The following TMC1 variants were observed in gnomAD, a reference collection of about 807,000 sequenced individuals.
The protein encoded by TMC1 is transmembrane channel-like protein 1.
TMC1 carries 84 observed loss-of-function variants against 105.8 expected under a neutral mutation model. The ratio of observed to expected loss-of-function variants is 0.79; its 90% confidence interval spans 0.67 to 0.95. The LOEUF (loss-of-function observed/expected upper bound fraction) is 0.95, where lower values mean the gene tolerates loss of function less well. TMC1 is among the 40% of genes least tolerant of loss of function. The pLI, the probability that TMC1 is intolerant of heterozygous loss-of-function variation, is 0.00. For missense variants in TMC1, 817 were observed against 914.1 expected, an observed-to-expected ratio of 0.89 and a Z score of 1.37; for synonymous variants, 315 against 311.5, an observed-to-expected ratio of 1.01 and a Z score of -0.12.
At chr9:72,550,823 C>T (rs1036011807) in intron 1 of TMC1, among the ~76,000 whole-genome samples, 13 of 152,132 alleles carry the variant, frequency 8.5e-5, no homozygotes, top group Admixed American at 8.5e-4. Context: ...AGCTAGATTG[C>T]CTTATGGGGC....
At chr9:72,631,612 C>T (rs973724763) in intron 4 of TMC1, among the ~76,000 whole-genome samples, 5 of 152,192 alleles carry the variant, frequency 3.3e-5, no homozygotes, top group African/African-American at 1.2e-4. Flanking sequence ...AGTCTTGCAC[C>T]AAATATATGA....
intron 5 of TMC1, among the ~76,000 whole-genome samples, chr9:72,684,067 G>T (rs1442392295): frequency 6.6e-6 from 1 of 151,788 alleles, no homozygotes; most frequent in Admixed American, 6.6e-5. Flanking sequence ...ACAGCCCAGG[G>T]ATAAACCAAA....
chr9:72,659,763 G>C (rs1825946394), intron 5 of TMC1, among the ~76,000 whole-genome samples: 1 of 152,208 alleles, frequency 6.6e-6, no homozygotes, highest in Admixed American at 6.5e-5. Flanking sequence ...GTTTTAATAA[G>C]ATATCTAGTT....
At chr9:72,688,154 T>C (rs2132183390) in intron 5 of TMC1, among the ~76,000 whole-genome samples, 1 of 152,214 alleles carries the variant, frequency 6.6e-6, no homozygotes, top group East Asian at 1.9e-4. Context: ...GAATCACATA[T>C]TGGGAAATTT....
At chr9:72,546,469 C>T (rs879307025) in intron 1 of TMC1, among the ~76,000 whole-genome samples, 10 of 152,134 alleles carry the variant, frequency 6.6e-5, no homozygotes, top group Non-Finnish European at 1.3e-4. Context: ...AAACATTGTC[C>T]TTTTGTTTTC....
At chr9:72,826,847 T>TC (rs2118318341) in intron 20 of TMC1, 22 bp from the exon 21 acceptor site, 1 of 1,613,278 alleles carries the variant, frequency 6.2e-7, no homozygotes, top group East Asian at 2.2e-5. Context: ...TAAACTTATC[T>TC]CCCCCTTTTT....
chr9:72,647,162 G>T (rs7022617), intron 4 of TMC1, among the ~76,000 whole-genome samples: 34,304 of 148,632 alleles, frequency 0.23, 4,283 homozygotes, highest in East Asian at 0.38. Flanking sequence ...AAAAAAAAGA[G>T]AGAGAAAAGA....
chr9:72,820,178 C>T (rs1393426701), intron 19 of TMC1, among the ~76,000 whole-genome samples: 1 of 152,138 alleles, frequency 6.6e-6, no homozygotes, highest in Non-Finnish European at 1.5e-5. Flanking sequence ...CAATAAAACC[C>T]TATTTTAGGA....
chr9:72,744,227 C>T lies in TMC1; in HGVS notation c.535+1702C>T, dbSNP rs538243141. ...CTTTAATTTCCTCCTTAACACTTACCGCTATCTAAAATGCTATATCTTTAA... is the reference window on the plus strand; with the variant it reads ...CTTTAATTTCCTCCTTAACACTTACTGCTATCTAAAATGCTATATCTTTAA... On this transcript the variant is annotated intron_variant, in intron 10 of 23. Transcript: ENST00000297784. 1.5e-3 allele frequency among the ~76,000 whole-genome samples: 230 copies of T among 152,292 alleles called. 1 individual carries two copies. Among genetic ancestry groups the T allele is most frequent in the African/African-American group, 5.3e-3 (219 of 41,566 alleles).
intron 8 of TMC1, among the ~76,000 whole-genome samples, chr9:72,704,062 G>A (rs1826689641): frequency 6.6e-6 from 1 of 152,148 alleles, no homozygotes; most frequent in Non-Finnish European, 1.5e-5. Flanking sequence ...GCAGGTAAAT[G>A]TTTCTCTACC....
At chr9:72,773,769 C>A (rs1827967519) in intron 13 of TMC1, among the ~76,000 whole-genome samples, 1 of 152,136 alleles carries the variant, frequency 6.6e-6, no homozygotes, top group Admixed American at 6.5e-5. Flanking sequence ...AGAATAGTTT[C>A]TCATGTCTGA....
chr9:72,832,148 T>G (rs1033174271), intron 23 of TMC1, among the ~76,000 whole-genome samples: 4 of 152,012 alleles, frequency 2.6e-5, no homozygotes, highest in Non-Finnish European at 5.9e-5. Flanking sequence ...AGTGAGGTCT[T>G]GCTAAGTTGC....
intron 12 of TMC1, among the ~76,000 whole-genome samples, chr9:72,758,531 G>A (rs1022306500): frequency 3.9e-5 from 6 of 152,276 alleles, no homozygotes; most frequent in South Asian, 2.1e-4. Flanking sequence ...TGTCCTCCAC[G>A]GCAGAAGGGA....
At chr9:72,579,419 A>G (rs1824439366) in intron 2 of TMC1, among the ~76,000 whole-genome samples, 1 of 152,130 alleles carries the variant, frequency 6.6e-6, no homozygotes. Flanking sequence ...CCCAGGCTCC[A>G]AGCAAGCCTT....
At chr9:72,597,968 T>C (rs1193039086) in intron 2 of TMC1, among the ~76,000 whole-genome samples, 1 of 152,146 alleles carries the variant, frequency 6.6e-6, no homozygotes, top group Non-Finnish European at 1.5e-5. Flanking sequence ...TGCTTTGAAT[T>C]ATATGAAAAA....
At chr9:72,576,749 C>G (rs1361219175) in intron 1 of TMC1, among the ~76,000 whole-genome samples, 1 of 151,926 alleles carries the variant, frequency 6.6e-6, no homozygotes, top group Non-Finnish European at 1.5e-5. Flanking sequence ...CCTGCTCAGC[C>G]TCTCGAGTAT....
At chr9:72,525,039 GAAGGCCGGCTTC>G (rs1182718768) in intron 1 of TMC1, among the ~76,000 whole-genome samples, 1 of 152,206 alleles carries the variant, frequency 6.6e-6, no homozygotes, top group Non-Finnish European at 1.5e-5. Flanking sequence ...ATACGGTCCA[GAAGGCCGGCTTC>G]AAGGACATAA....
chr9:72,678,506 AG>A (rs1372894676), intron 5 of TMC1, among the ~76,000 whole-genome samples: 1 of 152,086 alleles, frequency 6.6e-6, no homozygotes, highest in Admixed American at 6.6e-5. Flanking sequence ...TGTGAGCCTC[AG>A]GTTTCTCACC....
chr9:72,536,771 C>T (rs897719196), intron 1 of TMC1, among the ~76,000 whole-genome samples: 4 of 152,220 alleles, frequency 2.6e-5, no homozygotes, highest in Non-Finnish European at 5.9e-5. Context: ...CACGTGACTG[C>T]TCTCACAGAT....
Sources: allele counts gnomAD v4.1 joint callset (sites outside exome capture counted in the v4.1 genomes callset), GRCh38; gene constraint gnomAD v4.1.1; transcripts MANE v1.5; gene names NCBI Gene and HGNC (gene_info 2026-07-23, HGNC 2026-07-21).